TMEM106B: variants seen among roughly 807,000 people sequenced by gnomAD.
TMEM106B encodes the protein transmembrane protein 106B.
In TMEM106B, 15 loss-of-function variants were observed where a neutral mutation model predicts 31.1. That is an observed-to-expected ratio of 0.48 (90% CI 0.32 to 0.74). The LOEUF is 0.74. Ranked by LOEUF, TMEM106B falls within the 30% of genes least tolerant of loss-of-function variation. The probability of loss-of-function intolerance (pLI) is 0.03; values close to 1 mark genes in which losing one functional copy is unlikely to be tolerated. For synonymous variants in TMEM106B, 126 were observed against 112.5 expected, an observed-to-expected ratio of 1.12 and a Z score of -0.76; for missense variants, 283 against 327.3, an observed-to-expected ratio of 0.86 and a Z score of 1.04.
At chr7:12,218,634 G>T (rs116705963) in intron 3 of TMEM106B, 113 bp downstream of exon 3, 5 of 823,314 alleles carry the variant, frequency 6.1e-6, no homozygotes, top group Admixed American at 2.8e-5. Context: ...ATGCTGTCAC[G>T]TAGTTAAATT....
intron 1 of TMEM106B, 24 bp downstream of exon 1, chr7:12,211,449 C>T (rs1488009206): frequency 1.3e-5 from 2 of 152,582 alleles, no homozygotes; most frequent in Non-Finnish European, 1.5e-5. Flanking sequence ...GACGTGCAGT[C>T]CCCAGGTCCC....
Position 12,234,476 on chromosome 7 carries a change from A to C in TMEM106B, c.*2501A>C, listed in dbSNP as rs1274760671. Reference sequence around the variant, plus strand: ...TAAGCCTGGAACAAAACAGGCTGTAAATTAATAAAACTACAAACACACATT... The same window carrying C: ...TAAGCCTGGAACAAAACAGGCTGTACATTAATAAAACTACAAACACACATT... On this transcript the variant is annotated 3_prime_UTR_variant, in exon 8 of 8. Coordinates refer to ENST00000396668, the MANE Select transcript of TMEM106B (RefSeq NM_001134232.2). 1 of 151,882 alleles carries C rather than the reference A, an allele frequency of 6.6e-6. No individual in the cohort carries two copies. The highest frequency in any genetic ancestry group is 2.4e-5 in the African/African-American group (1 of 41,436). The allele number at this position is 151,882 out of a possible 1,614,324, so 9.4% of individuals were successfully genotyped here. A position where few individuals can be genotyped will look rare whatever the true frequency, so the allele number is the denominator to read the frequency against.
chr7:12,224,125 G>A lies in TMEM106B; in HGVS notation c.282-101G>A, dbSNP rs183236960. On this transcript the variant is annotated intron_variant, in intron 3 of 7. Transcript: ENST00000396668. ...TGGTAACATTTAGCATCTTATATAT[G>A]TTGCTGCTGATATATGGGGGAAATT... is the stretch of plus-strand genomic sequence containing the variant. 4,425 of 1,080,856 alleles carry A rather than the reference G, an allele frequency of 4.1e-3. 14 individuals carry two copies. Among genetic ancestry groups the A allele is most frequent in the Middle Eastern group, 0.024 (113 of 4,808 alleles). 67.0% of individuals were successfully genotyped at this position (1,080,856 alleles called of 1,614,324 possible).
chr7:12,223,342 A>AT (rs11368032), intron 3 of TMEM106B, among the ~76,000 whole-genome samples: 12 of 151,144 alleles, frequency 7.9e-5, no homozygotes, highest in Non-Finnish European at 1.3e-4. Context: ...TGGTTGTGTC[A>AT]TTTTTTTTTA....
intron 2 of TMEM106B, among the ~76,000 whole-genome samples, chr7:12,216,197 G>T (rs1363963163): frequency 6.6e-6 from 1 of 152,084 alleles, no homozygotes; most frequent in East Asian, 1.9e-4. Context: ...TAATGCACCA[G>T]GCTCAGGGGG....
chr7:12,211,326 C>T lies in TMEM106B; in HGVS notation c.-102C>T, dbSNP rs1456370008. On this transcript the variant is annotated 5_prime_UTR_variant, in exon 1 of 8. Coordinates refer to ENST00000396668, the MANE Select transcript of TMEM106B (RefSeq NM_001134232.2). ...CGGCGGCCGCGCGCTCCAGGCCGGT[C>T]GCTCCACCCCCCGGCTCCCGGGACT... 6.6e-6 allele frequency: 1 copy of T among 152,416 alleles called. No individual in the cohort carries two copies. The highest frequency in any genetic ancestry group is 2.4e-5 in the African/African-American group (1 of 41,470). 9.4% of individuals were successfully genotyped at this position (152,416 alleles called of 1,614,324 possible).
rs1782205412 is a variant in TMEM106B, at chr7:12,239,639, AG to A, written c.*7666del. 2.6e-5 allele frequency: 4 copies of A among 152,080 alleles called. No individual in the cohort carries two copies. The highest frequency in any genetic ancestry group is 9.7e-5 in the African/African-American group (4 of 41,424). 9.4% of individuals were successfully genotyped at this position (152,080 alleles called of 1,614,324 possible). On this transcript the variant is annotated 3_prime_UTR_variant, in exon 8 of 8. Transcript: ENST00000396668. ...CTCTTCCTTTTACTTGAACAGTTAG[AG>A]GCTATTGTAGGATTATTAATTGGCC...
intron 2 of TMEM106B, among the ~76,000 whole-genome samples, chr7:12,216,478 GATATGTTC>G (rs1329686863): frequency 6.6e-6 from 1 of 152,140 alleles, no homozygotes; most frequent in Non-Finnish European, 1.5e-5. Flanking sequence ...CGTGGAAGTG[GATATGTTC>G]ATTAGGCAGT....
chr7:12,224,441 A>G, intron 4 of TMEM106B, 56 bp downstream of exon 4: 2 of 1,447,828 alleles, frequency 1.4e-6, no homozygotes, highest in South Asian at 2.4e-5. Context: ...CCTATTAAGC[A>G]GCACCTTTGT....
chr7:12,217,542 T>C (rs1006283001), intron 2 of TMEM106B, among the ~76,000 whole-genome samples: 1 of 152,176 alleles, frequency 6.6e-6, no homozygotes, highest in Admixed American at 6.5e-5. Flanking sequence ...CATGTTTAGC[T>C]CTGTTGATAT....
At chr7:12,218,346 A>G in intron 2 of TMEM106B, 112 bp from the exon 3 acceptor site, 1 of 753,798 alleles carries the variant, frequency 1.3e-6, no homozygotes, top group South Asian at 2.1e-5. Context: ...TACTAAAGGA[A>G]AGAGATGAGT....
chr7:12,225,041 C>T (rs937945761), intron 4 of TMEM106B, among the ~76,000 whole-genome samples: 4 of 152,158 alleles, frequency 2.6e-5, no homozygotes, highest in East Asian at 1.9e-4. Context: ...CGACAGGCCT[C>T]GGTGTGTGAT....
At chr7:12,223,731 T>C (rs1781834675) in intron 3 of TMEM106B, among the ~76,000 whole-genome samples, 1 of 151,560 alleles carries the variant, frequency 6.6e-6, no homozygotes. Flanking sequence ...CCTTTTTTTT[T>C]TTTTTTTGGT....
chr7:12,215,444 C>A (rs1184948100), intron 2 of TMEM106B, among the ~76,000 whole-genome samples: 1 of 150,654 alleles, frequency 6.6e-6, no homozygotes, highest in Non-Finnish European at 1.5e-5. Context: ...CAATTGTTGG[C>A]CAGGCTGGTC....
intron 3 of TMEM106B, among the ~76,000 whole-genome samples, chr7:12,221,227 C>T (rs1443892195): frequency 6.6e-6 from 1 of 151,986 alleles, no homozygotes; most frequent in Non-Finnish European, 1.5e-5. Flanking sequence ...GTGACACTAA[C>T]AAAACTGAAA....
At chr7:12,230,368 A>G (rs1311051905) in intron 5 of TMEM106B, 21 bp from the exon 6 acceptor site, 1 of 1,573,848 alleles carries the variant, frequency 6.4e-7, no homozygotes, top group South Asian at 1.1e-5. Context: ...TCTCTATCGA[A>G]TTTCTCCTTT....
rs765398796 is a variant in TMEM106B at position 12,218,471 on chromosome 7, A to C, written c.231A>C (p.Gln77His). Residue 77 changes from glutamine (Q) to histidine (H), a missense_variant, in exon 3 of 8, where the codon CAA becomes CAC. Around this residue, in one of 3 missense-constraint regions of TMEM106B, gnomAD observed 77 missense variants for 89.4 expected, o/e 0.86. Transcript: ENST00000396668. Reference sequence around the variant, plus strand: ...TTTCACATTTAGGGCAAGAAAACCAACTGGTGGCATTGATTCCATATAGTG... The same window carrying C: ...TTTCACATTTAGGGCAAGAAAACCACCTGGTGGCATTGATTCCATATAGTG... ...TGRIPRGQEN[Q>H]LVALIPYSDQ... 3.1e-6 allele frequency: 5 copies of C among 1,612,632 alleles called. No homozygotes were observed. Among genetic ancestry groups the C allele is most frequent in the Non-Finnish European group, 4.2e-6 (5 of 1,179,320 alleles).
intron 3 of TMEM106B, 138 bp from the exon 4 acceptor site, chr7:12,224,087 AG>A: frequency 1.3e-6 from 1 of 741,960 alleles, no homozygotes; most frequent in East Asian, 2.5e-5. Context: ...CAATACTTTC[AG>A]ATGTGAAAAT....
chr7:12,227,749 A>T (rs898714265), intron 4 of TMEM106B, among the ~76,000 whole-genome samples: 7 of 135,022 alleles, frequency 5.2e-5, no homozygotes, highest in Non-Finnish European at 1.2e-4. Flanking sequence ...AATTATGGTG[A>T]TCTCTTTTCA....
Sources: allele counts gnomAD v4.1 joint callset (sites outside exome capture counted in the v4.1 genomes callset), GRCh38; gene constraint gnomAD v4.1.1; regional missense constraint gnomAD v4.1.1; transcripts MANE v1.5; gene names NCBI Gene and HGNC (gene_info 2026-07-23, HGNC 2026-07-21).